YPEL2: variants seen among roughly 807,000 people sequenced by gnomAD.
The protein encoded by YPEL2 is protein yippee-like 2.
A neutral mutation model predicts 19.1 loss-of-function variants in YPEL2; 2 were observed. That is an observed-to-expected ratio of 0.10 (90% CI 0.04 to 0.33). The LOEUF (loss-of-function observed/expected upper bound fraction) is 0.33, where lower values mean the gene tolerates loss of function less well. Ranked by LOEUF, YPEL2 falls within the 10% of genes least tolerant of loss-of-function variation. The pLI, the probability that YPEL2 is intolerant of heterozygous loss-of-function variation, is 1.00. For synonymous variants in YPEL2, 52 were observed against 50.0 expected, an observed-to-expected ratio of 1.04 and a Z score of -0.17; for missense variants, 66 against 140.7, an observed-to-expected ratio of 0.47 and a Z score of 2.68.
chr17:59,353,874 G>T lies in YPEL2; in HGVS notation c.117+348G>T. On this transcript the variant is annotated intron_variant, in intron 2 of 4. Transcript: ENST00000312655. This position sits in a 1 kb window ranked among gnomAD's most constrained non-coding sequence, Gnocchi z 4.8. ...AGTGAAGAGTGCTCCCTGCTCAGAAGGTGAATTCTGATAAAGCAGGGGAAT... is the reference window on the plus strand; with the variant it reads ...AGTGAAGAGTGCTCCCTGCTCAGAATGTGAATTCTGATAAAGCAGGGGAAT... 1 of 334,814 alleles carries T rather than the reference G, an allele frequency of 3.0e-6. No homozygotes were observed. The highest frequency in any genetic ancestry group is 2.4e-5 in the South Asian group (1 of 41,158). 20.7% of individuals were successfully genotyped at this position (334,814 alleles called of 1,614,324 possible). A position where few individuals can be genotyped will look rare whatever the true frequency, so the allele number is the denominator to read the frequency against.
At chr17:59,389,736 A>G (rs1165020405) in intron 4 of YPEL2, among the ~76,000 whole-genome samples, 2 of 151,742 alleles carry the variant, frequency 1.3e-5, no homozygotes, top group Non-Finnish European at 2.9e-5. Context: ...TCGACAGCTC[A>G]CTAGATGCCA....
At chr17:59,392,562 G>A (rs182488611) in intron 4 of YPEL2, among the ~76,000 whole-genome samples, 18 of 148,666 alleles carry the variant, frequency 1.2e-4, no homozygotes, top group African/African-American at 4.2e-4. Flanking sequence ...CCAGGCTGGA[G>A]TGCAATGGTG....
At position 59,389,371 on chromosome 17, in the gene YPEL2, G is replaced by A; in HGVS notation, c.173G>A (p.Gly58Asp). 6.2e-7 allele frequency: 1 copy of A among 1,613,956 alleles called. No individual in the cohort carries two copies. Among genetic ancestry groups the A allele is most frequent in the Non-Finnish European group, 8.5e-7 (1 of 1,179,930 alleles). ...GTGCCTCGACATAGAGTTAATGTGG[G>A]CTGTGGGCCTGCAGAAGAGCGAGTG... is the stretch of plus-strand genomic sequence containing the variant. ...AYLFNSVVNV[G>D]CGPAEERVLL... The change falls in exon 4 of 5, where the codon GGC becomes GAC. Residue 58 changes from glycine (G) to aspartate (D), a missense_variant. Gly to Asp is a moderately conservative substitution (Grantham distance 94). Transcript: ENST00000312655.
rs1354217982 is a variant in YPEL2 at position 59,353,751 on chromosome 17, G to T, written c.117+225G>T. On this transcript the variant is annotated intron_variant, in intron 2 of 4. Coordinates refer to ENST00000312655, the MANE Select transcript of YPEL2 (RefSeq NM_001005404.4). The surrounding 1 kb of genome is among the most constrained non-coding windows in gnomAD (Gnocchi z 4.8). The stretch of plus-strand genomic sequence containing the variant: ...AAATGAGGTGTCATCCTTGTTGGAG[G>T]CTTTGGGAGCTGGCAGCTTGCAAGC... 3 of 497,800 alleles carry T rather than the reference G, an allele frequency of 6.0e-6. No individual in the cohort carries two copies. Among genetic ancestry groups the T allele is most frequent in the Middle Eastern group, 3.2e-4 (1 of 3,170 alleles). 30.8% of individuals were successfully genotyped at this position (497,800 alleles called of 1,614,324 possible).
intron 1 of YPEL2, among the ~76,000 whole-genome samples, chr17:59,341,178 C>T (rs557399154): frequency 1.7e-4 from 25 of 150,790 alleles, no homozygotes; most frequent in African/African-American, 4.9e-4. Context: ...TTTGGGAGGC[C>T]GAGGTGGGCG....
At chr17:59,371,014 G>A (rs2047894580) in intron 2 of YPEL2, among the ~76,000 whole-genome samples, 3 of 152,086 alleles carry the variant, frequency 2.0e-5, no homozygotes, top group Non-Finnish European at 2.9e-5. Flanking sequence ...CCGCACACTG[G>A]GAGGAGGGAT....
At chr17:59,385,613 A>G (rs539751961) in intron 2 of YPEL2, among the ~76,000 whole-genome samples, 49 of 152,192 alleles carry the variant, frequency 3.2e-4, no homozygotes, top group African/African-American at 1.2e-3. Context: ...TTATAGTGAC[A>G]GAAAGCTGTA....
chr17:59,379,352 A>G (rs959239693), intron 2 of YPEL2, among the ~76,000 whole-genome samples: 2 of 152,170 alleles, frequency 1.3e-5, no homozygotes, highest in Admixed American at 6.5e-5. Context: ...CACCAGGCCT[A>G]ACCATGGTTG....
intron 1 of YPEL2, among the ~76,000 whole-genome samples, chr17:59,342,922 C>G (rs1489434782): frequency 1.3e-5 from 2 of 152,132 alleles, no homozygotes; most frequent in African/African-American, 4.8e-5. Flanking sequence ...GTCTGGAAGT[C>G]CCTGCCCGCC....
rs370166549 is a variant in YPEL2, at chr17:59,340,908, T to C, written c.-196+9084T>C. Among the ~76,000 whole-genome samples, 9 of 144,806 alleles carry C rather than the reference T, an allele frequency of 6.2e-5. No individual in the cohort carries two copies. In the East Asian group the frequency reaches 1.7e-3, roughly 28 times the overall value. 95.0% of individuals were successfully genotyped at this position (144,806 alleles called of 152,430 possible). A position where few individuals can be genotyped will look rare whatever the true frequency, so the allele number is the denominator to read the frequency against. On this transcript the variant is annotated intron_variant, in intron 1 of 4. Coordinates refer to ENST00000312655, the MANE Select transcript of YPEL2 (RefSeq NM_001005404.4). Reference sequence around the variant, plus strand: ...TTTTGTATTTTTAGTAGAGACGGGGTTTCGCCATGTTGGCCAGGCTGGTCT... The same window carrying C: ...TTTTGTATTTTTAGTAGAGACGGGGCTTCGCCATGTTGGCCAGGCTGGTCT...
intron 2 of YPEL2, chr17:59,354,609 A>C (rs2047803334): frequency 6.6e-6 from 1 of 152,260 alleles, no homozygotes. Flanking sequence ...AAACAAACAC[A>C]TCTGTAGTAG....
intron 1 of YPEL2, among the ~76,000 whole-genome samples, chr17:59,351,363 TGA>T (rs2047786732): frequency 6.6e-6 from 1 of 151,916 alleles, no homozygotes; most frequent in Admixed American, 6.6e-5. Flanking sequence ...AGACAGAGTG[TGA>T]GACTCTGTCT....
At chr17:59,356,218 C>T (rs1403025895) in intron 2 of YPEL2, 1 of 150,896 alleles carries the variant, frequency 6.6e-6, no homozygotes, top group Non-Finnish European at 1.5e-5. Flanking sequence ...AAGCAGATAA[C>T]TGGAGCTGGA....
chr17:59,351,298 C>T (rs551638610), intron 1 of YPEL2, among the ~76,000 whole-genome samples: 1 of 152,146 alleles, frequency 6.6e-6, no homozygotes, highest in East Asian at 1.9e-4. Flanking sequence ...TTGCTTGAAC[C>T]CGGGAGGCGG....
intron 2 of YPEL2, among the ~76,000 whole-genome samples, chr17:59,384,425 T>A (rs1006451584): frequency 3.9e-5 from 6 of 152,186 alleles, no homozygotes; most frequent in South Asian, 2.1e-4. Context: ...GCAAAGACCC[T>A]GCTATTTAAA....
chr17:59,381,678 G>T (rs770087786), intron 2 of YPEL2, among the ~76,000 whole-genome samples: 19 of 152,164 alleles, frequency 1.2e-4, no homozygotes, highest in Non-Finnish European at 2.5e-4. Context: ...GGCTGGAAGG[G>T]CTGGGCCTGG....
intron 2 of YPEL2, chr17:59,362,613 CTG>C (rs752478729): frequency 1.3e-5 from 2 of 152,118 alleles, no homozygotes; most frequent in Admixed American, 6.6e-5. Context: ...AAAATTAACT[CTG>C]TGGTTTGCAG....
chr17:59,344,545 G>A (rs2047746782), intron 1 of YPEL2, among the ~76,000 whole-genome samples: 1 of 152,180 alleles, frequency 6.6e-6, no homozygotes, highest in Non-Finnish European at 1.5e-5. Flanking sequence ...ACCACCTGAG[G>A]TCAGGAGTTC....
chr17:59,334,292 A>G (rs1444957660), intron 1 of YPEL2, among the ~76,000 whole-genome samples: 1 of 151,668 alleles, frequency 6.6e-6, no homozygotes, highest in East Asian at 1.9e-4. Context: ...TGGGAGATTC[A>G]CAATTGGCCA....
Sources: allele counts gnomAD v4.1 joint callset (sites outside exome capture counted in the v4.1 genomes callset), GRCh38; gene constraint gnomAD v4.1.1; non-coding constraint Gnocchi (gnomAD v3.1); transcripts MANE v1.5; gene names NCBI Gene and HGNC (gene_info 2026-07-23, HGNC 2026-07-21).